The following ACMSD variants were observed in gnomAD, a reference collection of about 807,000 sequenced individuals.
The protein encoded by ACMSD is 2-amino-3-carboxymuconate-6-semialdehyde decarboxylase.
In ACMSD, 37 loss-of-function variants were observed where a neutral mutation model predicts 45.9. The ratio of observed to expected loss-of-function variants is 0.81; its 90% CI spans 0.62 to 1.06. The LOEUF is 1.06. Among genes scored for constraint, ACMSD ranks in the 50% least tolerant of loss-of-function variants. The probability of loss-of-function intolerance (pLI) is 0.00; values close to 1 mark genes in which losing one functional copy is unlikely to be tolerated. For synonymous variants in ACMSD, 138 were observed against 148.8 expected (o/e 0.93, Z 0.53); for missense variants, 434 against 420.9 (o/e 1.03, Z -0.27).
chr2:134,885,339 ATT>A (rs1159624494), intron 8 of ACMSD, among the ~76,000 whole-genome samples: 4 of 106,070 alleles, frequency 3.8e-5, no homozygotes, highest in East Asian at 3.6e-4. Flanking sequence ...GTAAATATAT[ATT>A]TATATATAAT....
chr2:134,885,398 ATTT>A lies in ACMSD; in HGVS notation c.849+12758_849+12760del, dbSNP rs1337610150. Among the ~76,000 whole-genome samples, 136 of 116,364 alleles carry A rather than the reference ATTT, an allele frequency of 1.2e-3. 1 individual carries two copies. Among genetic ancestry groups the A allele is most frequent in the Admixed American group, 3.1e-3 (25 of 8,110 alleles). The allele number at this position is 116,364 out of a possible 152,430, so 76.3% of individuals were successfully genotyped here. A position where few individuals can be genotyped will look rare whatever the true frequency, so the allele number is the denominator to read the frequency against. The stretch of plus-strand genomic sequence containing the variant: ...ATATAATATATATGTAAATATATAT[ATTT>A]ATATATAAAATATATATGTAAATAT... On this transcript the variant is annotated intron_variant, in intron 8 of 9. Coordinates refer to ENST00000356140, the MANE Select transcript of ACMSD (RefSeq NM_138326.3).
rs1292638330 is a variant in ACMSD at position 134,871,134 on chromosome 2, C to T, written c.676+74C>T. 4 of 1,333,008 alleles carry T rather than the reference C, an allele frequency of 3.0e-6. No homozygotes were observed. The South Asian group carries it at 3.7e-5, about 12-fold the overall frequency. 82.6% of individuals were successfully genotyped at this position (1,333,008 alleles called of 1,614,324 possible). ...CACAGATGGGGTGACTGTAAGAAAACAGAAATTTATTTTCTCACAGTCCTG... is the reference window on the plus strand; with the variant it reads ...CACAGATGGGGTGACTGTAAGAAAATAGAAATTTATTTTCTCACAGTCCTG... On this transcript the variant is annotated intron_variant, in intron 7 of 9. Transcript: ENST00000356140.
chr2:134,893,492 T>A (rs947359449), intron 8 of ACMSD, among the ~76,000 whole-genome samples: 6 of 152,066 alleles, frequency 3.9e-5, no homozygotes, highest in African/African-American at 1.4e-4. Context: ...TGGCTACATA[T>A]TTTTTTAGAT....
chr2:134,884,801 A>G (rs781600634), intron 8 of ACMSD, among the ~76,000 whole-genome samples: 3 of 152,204 alleles, frequency 2.0e-5, no homozygotes, highest in Non-Finnish European at 2.9e-5. Flanking sequence ...TTTCATATAA[A>G]TGTATTTATA....
intron 8 of ACMSD, among the ~76,000 whole-genome samples, chr2:134,885,303 T>TATGTG (rs1559064787): frequency 9.7e-6 from 1 of 102,610 alleles, no homozygotes; most frequent in African/African-American, 4.1e-5. Context: ...ATATATATAT[T>TATGTG]TAAATATATA....
At chr2:134,880,186 G>A (rs1297967645) in intron 8 of ACMSD, among the ~76,000 whole-genome samples, 1 of 152,144 alleles carries the variant, frequency 6.6e-6, no homozygotes, top group African/African-American at 2.4e-5. Flanking sequence ...TTTTAGAGGT[G>A]CTGTTGGGTA....
Position 134,901,813 on chromosome 2 carries a change from G to C in ACMSD, c.964G>C (p.Gly322Arg), listed in dbSNP as rs375728090. The change falls in exon 10 of 10, where the codon GGC becomes CGC. Residue 322 changes from glycine (G) to arginine (R), a missense_variant. Physicochemically the swap from Gly to Arg is moderately radical, Grantham distance 125. Coordinates refer to ENST00000356140, the MANE Select transcript of ACMSD (RefSeq NM_138326.3). Reference protein sequence around the residue: ...DEETKNKLKAGNALAFLGLER... With the variant: ...DEETKNKLKARNALAFLGLER... Reference sequence around the variant, plus strand: ...TTCTTTTCAGAATAAACTCAAAGCCGGCAATGCCCTGGCATTTTTGGGTCT... The same window carrying C: ...TTCTTTTCAGAATAAACTCAAAGCCCGCAATGCCCTGGCATTTTTGGGTCT... The C allele has an allele frequency of 6.3e-7, 1 of 1,598,458 alleles. No homozygotes were observed.
chr2:134,846,653 C>T (rs918941531), intron 2 of ACMSD, among the ~76,000 whole-genome samples: 1 of 152,132 alleles, frequency 6.6e-6, no homozygotes, highest in African/African-American at 2.4e-5. Context: ...GTGGTCCTCC[C>T]ACTTCAGCCT....
intron 8 of ACMSD, 77 bp downstream of exon 8, chr2:134,872,718 C>A: frequency 6.5e-7 from 1 of 1,536,558 alleles, no homozygotes; most frequent in Non-Finnish European, 9.0e-7. Flanking sequence ...CTCCTTTGGC[C>A]TCTCTCCAAA....
intron 8 of ACMSD, chr2:134,877,479 T>C (rs1221432093): frequency 6.6e-6 from 1 of 152,194 alleles, no homozygotes; most frequent in Non-Finnish European, 1.5e-5. Context: ...ATCTAAAAGC[T>C]TGGCTGGGGC....
At chr2:134,899,616 T>C (rs1190492046) in intron 9 of ACMSD, among the ~76,000 whole-genome samples, 1 of 152,118 alleles carries the variant, frequency 6.6e-6, no homozygotes, top group Non-Finnish European at 1.5e-5. Context: ...CCTTTTATTG[T>C]TTATTCTTAT....
At chr2:134,861,848 G>C (rs370663392) in intron 3 of ACMSD, 121 bp from the exon 4 acceptor site, 1 of 1,008,174 alleles carries the variant, frequency 9.9e-7, no homozygotes, top group Admixed American at 1.7e-5. Flanking sequence ...TGAGAGGGAC[G>C]CAGGGAGGGA....
At chr2:134,863,106 C>T in intron 4 of ACMSD, 1 of 931,506 alleles carries the variant, frequency 1.1e-6, no homozygotes, top group Non-Finnish European at 1.3e-6. Flanking sequence ...ATGCTCATTC[C>T]ATCTCTAGTG....
chr2:134,861,245 A>G (rs1241948071), intron 3 of ACMSD, among the ~76,000 whole-genome samples: 2 of 152,050 alleles, frequency 1.3e-5, no homozygotes, highest in African/African-American at 4.8e-5. Context: ...TGCAGCAAGG[A>G]CCTGCCTTTT....
At chr2:134,887,046 T>C (rs1019928859) in intron 8 of ACMSD, among the ~76,000 whole-genome samples, 2 of 152,210 alleles carry the variant, frequency 1.3e-5, no homozygotes, top group Non-Finnish European at 2.9e-5. Context: ...GTAAGACCTC[T>C]ACACTGAAAA....
At chr2:134,883,272 A>G (rs1318741916) in intron 8 of ACMSD, among the ~76,000 whole-genome samples, 5 of 152,136 alleles carry the variant, frequency 3.3e-5, no homozygotes, top group Admixed American at 6.5e-5. Flanking sequence ...AGACAAAAAA[A>G]AAACAGAAGA....
chr2:134,838,647 A>C lies in ACMSD; in HGVS notation c.-36A>C. ...TTCACAAAGGTCTCTTGATATCAAA[A>C]CTTCTTTCCTTGCATGCTTCTCTGA... On this transcript the variant is annotated 5_prime_UTR_variant, in exon 1 of 10. Transcript: ENST00000356140. 3 of 1,582,200 alleles carry C rather than the reference A, an allele frequency of 1.9e-6. No homozygotes were observed. The highest frequency in any genetic ancestry group is 2.6e-6 in the Non-Finnish European group (3 of 1,156,606).
intron 2 of ACMSD, among the ~76,000 whole-genome samples, chr2:134,851,150 G>C (rs1036486615): frequency 1.3e-5 from 2 of 152,128 alleles, no homozygotes; most frequent in East Asian, 3.8e-4. Context: ...TGGCTGCATG[G>C]TATTCTATGG....
intron 8 of ACMSD, among the ~76,000 whole-genome samples, chr2:134,896,202 G>T (rs940652853): frequency 2.0e-5 from 3 of 152,192 alleles, no homozygotes; most frequent in Admixed American, 2.0e-4. Flanking sequence ...CAAACTCTTA[G>T]AAGAAACCAT....
Sources: allele counts gnomAD v4.1 joint callset (sites outside exome capture counted in the v4.1 genomes callset), GRCh38; gene constraint gnomAD v4.1.1; transcripts MANE v1.5; gene names NCBI Gene and HGNC (gene_info 2026-07-23, HGNC 2026-07-21).